The following GARIN3 variants were observed in gnomAD, a reference collection of about 807,000 sequenced individuals.
GARIN3 encodes golgi associated RAB2 interactor family member 3.
At chr5:157,165,935 G>C in the GARIN3 span, 1 of 1,614,194 alleles carries the variant, frequency 6.2e-7, no homozygotes, top group Non-Finnish European at 8.5e-7. Context: ...GGAGGATGGG[G>C]CTGGTGCAGA....
the GARIN3 span, chr5:157,163,656 A>G: frequency 6.2e-7 from 1 of 1,610,524 alleles, no homozygotes; most frequent in South Asian, 1.1e-5. Context: ...GGAGCTCTGC[A>G]GCCTATACCA....
At chr5:157,164,639 C>T in the GARIN3 span, among the ~76,000 whole-genome samples, 7 of 152,100 alleles carry the variant, frequency 4.6e-5, no homozygotes, top group African/African-American at 1.7e-4. Flanking sequence ...AGTGGGATTG[C>T]ACAGTCAAGG....
the GARIN3 span, chr5:157,162,306 C>A: frequency 7.7e-7 from 1 of 1,303,946 alleles, no homozygotes; most frequent in Non-Finnish European, 1.0e-6. Context: ...AGGCTATGGG[C>A]AGAAAAATTC....
chr5:157,162,689 C>G, the GARIN3 span: 5 of 1,614,214 alleles, frequency 3.1e-6, no homozygotes, highest in South Asian at 1.1e-5. Context: ...TTTTGTAAAG[C>G]TCCTGTGCTA....
chr5:157,166,146 G>A, the GARIN3 span: 29 of 1,611,920 alleles, frequency 1.8e-5, no homozygotes, highest in Non-Finnish European at 2.5e-5. Flanking sequence ...TGTGTAATAA[G>A]GTAAACAAGA....
the GARIN3 span, among the ~76,000 whole-genome samples, chr5:157,164,274 T>C: frequency 6.6e-6 from 1 of 151,828 alleles, no homozygotes; most frequent in South Asian, 2.1e-4. Context: ...CTTAGCCTCT[T>C]GAATAGCTGG....
Sources: gnomAD v4.1 joint callset for allele counts (sites outside exome capture counted in the v4.1 genomes callset) on GRCh38, gnomAD v4.1.1 for gene constraint, MANE v1.5 for transcripts, NCBI Gene and HGNC (gene_info 2026-07-23, HGNC 2026-07-21) for gene names.